FAM184B: variants seen among roughly 807,000 people sequenced by gnomAD.
FAM184B encodes protein FAM184B.
Under a neutral mutation model 135.9 loss-of-function variants are expected in FAM184B, and 111 were observed. The observed-to-expected ratio is 0.82, with a 90% CI of 0.70 to 0.96. FAM184B has a LOEUF of 0.96. FAM184B is among the 40% of genes least tolerant of loss of function. FAM184B has a pLI of 0.00. For missense variants in FAM184B, 1,375 were observed against 1,323.9 expected (o/e 1.04, Z -0.60); for synonymous variants, 552 against 524.8 (o/e 1.05, Z -0.71).
chr4:17,688,068 A>G (rs1716629380), intron 7 of FAM184B, among the ~76,000 whole-genome samples: 1 of 152,168 alleles, frequency 6.6e-6, no homozygotes, highest in South Asian at 2.1e-4. Context: ...AGCCGGGGCA[A>G]GAGAGGGGCT....
chr4:17,758,685 T>C (rs544097354), intron 1 of FAM184B, among the ~76,000 whole-genome samples: 1 of 152,308 alleles, frequency 6.6e-6, no homozygotes, highest in South Asian at 2.1e-4. Context: ...ATAACATTCT[T>C]GGAGGCCATT....
intron 14 of FAM184B, among the ~76,000 whole-genome samples, chr4:17,637,664 A>G (rs1457748448): frequency 5.3e-5 from 5 of 94,226 alleles, no homozygotes; most frequent in Non-Finnish European, 9.1e-5. Flanking sequence ...TTTGCTTTGT[A>G]TTGGAGACTG....
intron 14 of FAM184B, 30 bp from the exon 15 acceptor site, chr4:17,636,675 C>G: frequency 1.3e-6 from 2 of 1,489,824 alleles, no homozygotes; most frequent in Non-Finnish European, 1.8e-6. Flanking sequence ...AGTCAAGTCC[C>G]CCTTACAGCA....
intron 1 of FAM184B, among the ~76,000 whole-genome samples, chr4:17,714,783 T>C (rs927243180): frequency 1.3e-5 from 2 of 152,130 alleles, no homozygotes; most frequent in Non-Finnish European, 2.9e-5. Context: ...CAAAATCAGA[T>C]TCAGGGTGAG....
At chr4:17,712,398 T>C (rs1033385888) in intron 1 of FAM184B, among the ~76,000 whole-genome samples, 2 of 151,940 alleles carry the variant, frequency 1.3e-5, no homozygotes, top group East Asian at 3.9e-4. Flanking sequence ...GTAGACGCCG[T>C]GGAGTCAGAT....
chr4:17,759,247 G>C (rs1718489200), intron 1 of FAM184B, among the ~76,000 whole-genome samples: 1 of 152,164 alleles, frequency 6.6e-6, no homozygotes. Context: ...TGGAAGATTG[G>C]TTGTTCTCAT....
intron 1 of FAM184B, among the ~76,000 whole-genome samples, chr4:17,748,315 C>A (rs543253858): frequency 6.6e-5 from 10 of 151,882 alleles, no homozygotes; most frequent in East Asian, 3.9e-4. Context: ...GGCAACCCCC[C>A]ACCTGCCTCG....
At chr4:17,750,300 C>A (rs1462036257) in intron 1 of FAM184B, among the ~76,000 whole-genome samples, 2 of 152,202 alleles carry the variant, frequency 1.3e-5, no homozygotes, top group African/African-American at 4.8e-5. Context: ...AAATCATTGA[C>A]TTAATTCCCA....
At chr4:17,710,842 T>A (rs1407558658) in intron 1 of FAM184B, among the ~76,000 whole-genome samples, 1 of 151,816 alleles carries the variant, frequency 6.6e-6, no homozygotes, top group African/African-American at 2.4e-5. Flanking sequence ...CAGAAGAAAA[T>A]CGGGAAGTCT....
intron 1 of FAM184B, among the ~76,000 whole-genome samples, chr4:17,741,085 G>A (rs926677130): frequency 5.9e-5 from 9 of 152,132 alleles, no homozygotes; most frequent in Non-Finnish European, 7.3e-5. Flanking sequence ...TGCCTGCCAC[G>A]TGCCAGGCAC....
At position 17,633,836 on chromosome 4, in the gene FAM184B, G is replaced by T. The variant is rs1365123159; in HGVS notation, c.2942C>A (p.Ala981Asp). Residue 981 changes from alanine to aspartate, a missense_variant, in exon 17 of 18, where the codon GCC becomes GAC. Transcript: ENST00000265018. ...PSRVVSVPNL[A>D]SYAKNFLSGD... ...ACTCAGAAAGTTCTTTGCATAGGAG[G>T]CGAGGTTCGGCACGCTGACCACGCG... 1 of 1,551,422 alleles carries T rather than the reference G, an allele frequency of 6.4e-7. No homozygotes were observed. Among genetic ancestry groups the T allele is most frequent in the Admixed American group, 2.0e-5 (1 of 50,966 alleles).
chr4:17,637,399 T>G (rs1346557994), intron 14 of FAM184B, among the ~76,000 whole-genome samples: 1 of 152,160 alleles, frequency 6.6e-6, no homozygotes, highest in East Asian at 1.9e-4. Context: ...GGGGTGCAGA[T>G]AATCTACTGA....
rs1305869755 is a variant in FAM184B, at chr4:17,633,734, C to T, written c.3044G>A (p.Arg1015Gln). 1.4e-5 allele frequency: 22 copies of T among 1,549,678 alleles called. No individual in the cohort carries two copies. Among genetic ancestry groups the T allele is most frequent in the East Asian group, 4.9e-5 (2 of 40,766 alleles). The change falls in exon 17 of 18, where the codon CGG becomes CAG. Residue 1015 changes from arginine to glutamine, a missense_variant. Transcript: ENST00000265018. ...PSLDPSPSCG[R>Q]TYKPNQSTDA... Reference sequence around the variant, plus strand: ...TGTAGACTGGTTGGGTTTGTAGGTCCGGCCACAGCTGGGGCTTGGGTCCAA... The same window carrying T: ...TGTAGACTGGTTGGGTTTGTAGGTCTGGCCACAGCTGGGGCTTGGGTCCAA...
At chr4:17,766,496 G>T (rs6836293) in intron 1 of FAM184B, among the ~76,000 whole-genome samples, 3 of 149,216 alleles carry the variant, frequency 2.0e-5, no homozygotes. Context: ...TGAGCTAGAC[G>T]CAGAATGCTG....
At chr4:17,676,691 A>G (rs556541563) in intron 7 of FAM184B, among the ~76,000 whole-genome samples, 35 of 152,258 alleles carry the variant, frequency 2.3e-4, no homozygotes, top group Non-Finnish European at 1.0e-4. Context: ...AAAAATTCCT[A>G]TTGCCTAATG....
intron 7 of FAM184B, among the ~76,000 whole-genome samples, chr4:17,673,784 A>G (rs534244503): frequency 6.6e-6 from 1 of 152,040 alleles, no homozygotes; most frequent in South Asian, 2.1e-4. Flanking sequence ...GGAAGGGGGT[A>G]AGGGATAAAA....
At chr4:17,740,221 G>A (rs905125031) in intron 1 of FAM184B, among the ~76,000 whole-genome samples, 8 of 151,802 alleles carry the variant, frequency 5.3e-5, no homozygotes, top group Admixed American at 4.6e-4. Flanking sequence ...GTGTGGTAGC[G>A]GGCGCCTGTA....
chr4:17,727,722 C>G (rs959776154), intron 1 of FAM184B, among the ~76,000 whole-genome samples: 24 of 152,094 alleles, frequency 1.6e-4, no homozygotes, highest in Admixed American at 1.6e-3. Flanking sequence ...AAAGACCACC[C>G]CCAAGATCGA....
At chr4:17,724,133 ACT>A (rs1491025282) in intron 1 of FAM184B, among the ~76,000 whole-genome samples, 1 of 150,980 alleles carries the variant, frequency 6.6e-6, no homozygotes, top group Non-Finnish European at 1.5e-5. Context: ...ACACACACAC[ACT>A]CACACACACA....
Sources: allele counts gnomAD v4.1 joint callset (sites outside exome capture counted in the v4.1 genomes callset), GRCh38; gene constraint gnomAD v4.1.1; transcripts MANE v1.5; gene names NCBI Gene and HGNC (gene_info 2026-07-23, HGNC 2026-07-21).